Variants in INTS9 observed in about 807,000 individuals in gnomAD.
The protein encoded by INTS9 is protein related to CPSF subunits of 74 kDa.
In INTS9, 55 loss-of-function variants were observed where a neutral mutation model predicts 79.7. The ratio of observed to expected loss-of-function variants is 0.69; its 90% CI spans 0.56 to 0.86. The LOEUF is 0.86. INTS9 is among the 40% of genes least tolerant of loss of function. The pLI, the probability that INTS9 is intolerant of heterozygous loss-of-function variation, is 0.00. For missense variants in INTS9, 721 were observed against 831.5 expected (o/e 0.87, Z 1.64); for synonymous variants, 319 against 325.2 (o/e 0.98, Z 0.20).
intron 6 of INTS9, 37 bp downstream of exon 6, chr8:28,835,255 C>T (rs1806736705): frequency 6.9e-7 from 1 of 1,439,182 alleles, no homozygotes; most frequent in African/African-American, 1.4e-5. Context: ...GCACCTGGCT[C>T]TACAGTCTCT....
chr8:28,777,077 T>C (rs533485975), intron 13 of INTS9, among the ~76,000 whole-genome samples: 140 of 152,262 alleles, frequency 9.2e-4, no homozygotes, highest in African/African-American at 3.3e-3. Flanking sequence ...TCTCCGGCTT[T>C]CTCTGTTTCC....
intron 4 of INTS9, among the ~76,000 whole-genome samples, chr8:28,843,263 T>G (rs376525551): frequency 1.3e-5 from 2 of 152,196 alleles, no homozygotes; most frequent in East Asian, 3.9e-4. Flanking sequence ...AAAACCCGAG[T>G]GCATTTGCAC....
At chr8:28,814,928 A>C (rs1331664660) in intron 6 of INTS9, among the ~76,000 whole-genome samples, 3 of 152,238 alleles carry the variant, frequency 2.0e-5, no homozygotes, top group African/African-American at 4.8e-5. Flanking sequence ...AAAGTGTGGA[A>C]GTGAACAAGT....
intron 6 of INTS9, among the ~76,000 whole-genome samples, chr8:28,832,555 C>T (rs1585432022): frequency 6.6e-6 from 1 of 152,214 alleles, no homozygotes; most frequent in Admixed American, 6.5e-5. Flanking sequence ...AGTATGGACC[C>T]TGCAGCCAGG....
chr8:28,793,923 G>A lies in INTS9; in HGVS notation c.921C>T (p.Asp307=). ...TGTACTGATATAGGCACTCCAGGAGGTCATAGATCACTCCAGAAGGGTAGC... is the reference window on the plus strand; with the variant it reads ...TGTACTGATATAGGCACTCCAGGAGATCATAGATCACTCCAGAAGGGTAGC... ...VPCYPSGVIY[D]LLECLYQYID... The change falls in exon 10 of 17, where the codon GAC becomes GAT. Residue 307 remains aspartate (D), a synonymous_variant. Transcript: ENST00000521022. 1 of 1,613,964 alleles carries A rather than the reference G, an allele frequency of 6.2e-7. No individual in the cohort carries two copies. Among genetic ancestry groups the A allele is most frequent in the South Asian group, 1.1e-5 (1 of 91,060 alleles).
In INTS9 at chr8:28,780,167, G is replaced by T. The variant is rs368638424; in HGVS notation, c.1270+656C>A. The T allele has an allele frequency of 3.2e-3, 355 of 109,902 alleles. 1 individual carries two copies. The highest frequency in any genetic ancestry group is 0.015 in the African/African-American group (329 of 21,776). The allele number at this position is 109,902 out of a possible 1,614,324, so 6.8% of individuals were successfully genotyped here. On this transcript the variant is annotated intron_variant, in intron 12 of 16. Transcript: ENST00000521022. ...CTTTTGGCTTCTTTGGGCCACACTG[G>T]AAGAAGAACTATCTCGTGCCCCACA...
chr8:28,768,511 G>A, intron 16 of INTS9, 189 bp from the exon 17 acceptor site: 1 of 612,314 alleles, frequency 1.6e-6, no homozygotes, highest in East Asian at 2.8e-5. Context: ...ACATGCAAAA[G>A]CTCATGCAAA....
intron 12 of INTS9, chr8:28,780,219 T>C (rs1465483089): frequency 2.8e-5 from 5 of 177,300 alleles, no homozygotes; most frequent in African/African-American, 2.2e-4. Flanking sequence ...TAATGATGAC[T>C]GATGAGCTAA....
At chr8:28,852,470 G>A (rs1807898986) in intron 2 of INTS9, among the ~76,000 whole-genome samples, 2 of 152,020 alleles carry the variant, frequency 1.3e-5, no homozygotes, top group Non-Finnish European at 2.9e-5. Context: ...AAATATATTT[G>A]CTATCAGATC....
At chr8:28,874,281 T>C (rs1809249923) in intron 1 of INTS9, among the ~76,000 whole-genome samples, 1 of 151,948 alleles carries the variant, frequency 6.6e-6, no homozygotes, top group Non-Finnish European at 1.5e-5. Context: ...AAAATTCATA[T>C]TTAAACTGTT....
At chr8:28,842,224 C>T (rs960709992) in intron 4 of INTS9, among the ~76,000 whole-genome samples, 13 of 151,928 alleles carry the variant, frequency 8.6e-5, no homozygotes, top group African/African-American at 1.5e-4. Context: ...AGGAGGAAGA[C>T]GAGGGGTTGG....
intron 4 of INTS9, among the ~76,000 whole-genome samples, chr8:28,846,273 TGTAA>T (rs1263250584): frequency 6.6e-6 from 1 of 152,230 alleles, no homozygotes; most frequent in Non-Finnish European, 1.5e-5. Context: ...GATAATAATA[TGTAA>T]GTGATTGTCT....
chr8:28,768,721 C>T (rs1257601263), intron 16 of INTS9, among the ~76,000 whole-genome samples: 1 of 152,200 alleles, frequency 6.6e-6, no homozygotes, highest in East Asian at 1.9e-4. Context: ...CTTGGCAGAG[C>T]CCTCTCAAGA....
chr8:28,883,841 TG>T (rs1810025500), intron 1 of INTS9, among the ~76,000 whole-genome samples: 2 of 152,190 alleles, frequency 1.3e-5, no homozygotes. Flanking sequence ...ACCTGAGGGT[TG>T]GTTTATGCCT....
chr8:28,787,771 C>T, intron 11 of INTS9, 58 bp downstream of exon 11: 1 of 1,242,120 alleles, frequency 8.1e-7, no homozygotes, highest in Non-Finnish European at 1.2e-6. Flanking sequence ...CTGTCTGCAT[C>T]TGCATCAGGT....
rs569987460 is a variant in INTS9, at chr8:28,878,376, G to C, written c.9+11498C>G. Among the ~76,000 whole-genome samples the C allele has an allele frequency of 1.2e-3, 175 of 151,806 alleles. 2 individuals carry two copies. The highest frequency in any genetic ancestry group is 3.9e-3 in the African/African-American group (162 of 41,392). The stretch of plus-strand genomic sequence containing the variant: ...TGCTCAGGCTGGAGTGCAGTGGAGC[G>C]ATCATGGTTAACTGTAGCCTCGACC... On this transcript the variant is annotated intron_variant, in intron 1 of 16. Transcript: ENST00000521022.
chr8:28,886,020 C>T (rs766880664), intron 1 of INTS9, among the ~76,000 whole-genome samples: 11 of 152,104 alleles, frequency 7.2e-5, no homozygotes, highest in South Asian at 2.1e-4. Context: ...CCAAGTATTA[C>T]GTTATAATGG....
intron 9 of INTS9, among the ~76,000 whole-genome samples, chr8:28,794,452 T>A (rs1804086641): frequency 6.6e-6 from 1 of 152,202 alleles, no homozygotes; most frequent in Non-Finnish European, 1.5e-5. Flanking sequence ...AAATCCCCTA[T>A]ACTTTAAGTA....
chr8:28,786,919 G>A (rs539916368), intron 11 of INTS9, among the ~76,000 whole-genome samples: 4 of 152,126 alleles, frequency 2.6e-5, no homozygotes, highest in South Asian at 2.1e-4. Context: ...GGGTTTCACT[G>A]TGTTAGCCAG....
Sources: gnomAD v4.1 joint callset for allele counts (sites outside exome capture counted in the v4.1 genomes callset) on GRCh38, gnomAD v4.1.1 for gene constraint, MANE v1.5 for transcripts, NCBI Gene and HGNC (gene_info 2026-07-23, HGNC 2026-07-21) for gene names.